FARS2: variants seen among roughly 807,000 people sequenced by gnomAD.
FARS2 encodes phenylalanine--tRNA ligase, mitochondrial.
Under a neutral mutation model 46.4 loss-of-function variants are expected in FARS2, and 40 were observed. That is an observed-to-expected ratio of 0.86 (90% confidence interval 0.67 to 1.12). FARS2 has a LOEUF of 1.12. Ranked by LOEUF, FARS2 falls within the 50% of genes most tolerant of loss-of-function variation. The pLI is 0.00. For synonymous variants in FARS2, 234 were observed against 214.9 expected, an observed-to-expected ratio of 1.09 and a Z score of -0.78; for missense variants, 513 against 567.9, an observed-to-expected ratio of 0.90 and a Z score of 0.98.
intron 6 of FARS2, among the ~76,000 whole-genome samples, chr6:5,704,520 G>A (rs1758624848): frequency 6.6e-6 from 1 of 152,162 alleles, no homozygotes; most frequent in Non-Finnish European, 1.5e-5. Flanking sequence ...AAGTAAAAGA[G>A]TATAATTCTC....
chr6:5,610,517 T>C (rs569809806), intron 5 of FARS2, among the ~76,000 whole-genome samples: 11 of 152,266 alleles, frequency 7.2e-5, no homozygotes, highest in African/African-American at 2.6e-4. Context: ...ACATTTACAT[T>C]GTATTAGGTA....
chr6:5,701,270 G>T (rs747861866), intron 6 of FARS2, among the ~76,000 whole-genome samples: 2 of 152,232 alleles, frequency 1.3e-5, no homozygotes, highest in Non-Finnish European at 2.9e-5. Context: ...CTCTGCAAAG[G>T]CTGTTGGTCA....
At chr6:5,669,004 G>A (rs1778305382) in intron 6 of FARS2, among the ~76,000 whole-genome samples, 1 of 152,090 alleles carries the variant, frequency 6.6e-6, no homozygotes, top group East Asian at 1.9e-4. Flanking sequence ...CCCACGTTGA[G>A]CAAGTTTCTT....
intron 1 of FARS2, among the ~76,000 whole-genome samples, chr6:5,359,437 A>G (rs945182349): frequency 6.6e-6 from 1 of 152,146 alleles, no homozygotes; most frequent in Non-Finnish European, 1.5e-5. Flanking sequence ...CATTAGACTT[A>G]TTTTTTTAAA....
At chr6:5,599,958 C>T (rs1774417304) in intron 5 of FARS2, among the ~76,000 whole-genome samples, 1 of 152,076 alleles carries the variant, frequency 6.6e-6, no homozygotes, top group South Asian at 2.1e-4. Flanking sequence ...CCCTAAGTCC[C>T]CATGAAGATT....
chr6:5,444,295 C>T (rs546194090), intron 4 of FARS2, among the ~76,000 whole-genome samples: 127 of 151,774 alleles, frequency 8.4e-4, no homozygotes, highest in Non-Finnish European at 1.4e-3. Flanking sequence ...GGTGAAGCCC[C>T]GTCTCTACTA....
intron 6 of FARS2, among the ~76,000 whole-genome samples, chr6:5,750,908 A>G (rs1277256816): frequency 6.6e-6 from 1 of 152,126 alleles, no homozygotes; most frequent in Non-Finnish European, 1.5e-5. Flanking sequence ...GTCTTTCGTC[A>G]CCATCATTTT....
At chr6:5,485,829 G>A (rs1459324313) in intron 4 of FARS2, among the ~76,000 whole-genome samples, 2 of 152,146 alleles carry the variant, frequency 1.3e-5, no homozygotes, top group Non-Finnish European at 2.9e-5. Context: ...ATTAGAATTC[G>A]GTACCACTGA....
chr6:5,349,605 G>A (rs192847691), intron 1 of FARS2, among the ~76,000 whole-genome samples: 37 of 152,156 alleles, frequency 2.4e-4, no homozygotes, highest in Admixed American at 1.8e-3. Context: ...AATTAGCCTG[G>A]TACATTTGAT....
intron 5 of FARS2, among the ~76,000 whole-genome samples, chr6:5,575,059 A>G (rs1772878848): frequency 6.6e-6 from 1 of 152,196 alleles, no homozygotes; most frequent in African/African-American, 2.4e-5. Context: ...CTCTTGACCA[A>G]TCGCACTATA....
chr6:5,668,896 A>G (rs1323805930), intron 6 of FARS2, among the ~76,000 whole-genome samples: 1 of 151,868 alleles, frequency 6.6e-6, no homozygotes, highest in Non-Finnish European at 1.5e-5. Flanking sequence ...GGGTTTCACC[A>G]TGTTGGCCAG....
At chr6:5,566,328 C>A (rs1166415537) in intron 5 of FARS2, among the ~76,000 whole-genome samples, 1 of 149,232 alleles carries the variant, frequency 6.7e-6, no homozygotes, top group African/African-American at 2.4e-5. Flanking sequence ...TATTTTCTAC[C>A]TAGTTATTAC....
intron 2 of FARS2, among the ~76,000 whole-genome samples, chr6:5,390,438 C>T (rs1360798496): frequency 6.6e-6 from 1 of 152,160 alleles, no homozygotes; most frequent in East Asian, 1.9e-4. Context: ...CCCCAGGTAA[C>T]CACAGGGACT....
chr6:5,562,486 G>T (rs989833137), intron 5 of FARS2, among the ~76,000 whole-genome samples: 7 of 152,026 alleles, frequency 4.6e-5, no homozygotes, highest in African/African-American at 1.7e-4. Context: ...TTGAAATGAG[G>T]CCCCAAGGAA....
upstream of FARS2, among the ~76,000 whole-genome samples, chr6:5,260,426 A>C (rs1581623710): frequency 2.0e-5 from 3 of 152,380 alleles, no homozygotes; most frequent in East Asian, 5.8e-4. Flanking sequence ...GTCACAAGAC[A>C]TGAACGTCTC....
At chr6:5,675,049 G>T (rs1456603758) in intron 6 of FARS2, among the ~76,000 whole-genome samples, 2 of 152,138 alleles carry the variant, frequency 1.3e-5, no homozygotes, top group African/African-American at 2.4e-5. Flanking sequence ...AATAAAAAAT[G>T]TTTTTTAATC....
At chr6:5,688,078 T>C (rs1436266708) in intron 6 of FARS2, among the ~76,000 whole-genome samples, 1 of 152,260 alleles carries the variant, frequency 6.6e-6, no homozygotes, top group Non-Finnish European at 1.5e-5. Flanking sequence ...TGAAGTTGCC[T>C]ATCAGCTTAA....
chr6:5,376,524 T>C (rs1759392810), intron 2 of FARS2, among the ~76,000 whole-genome samples: 1 of 152,190 alleles, frequency 6.6e-6, no homozygotes, highest in South Asian at 2.1e-4. Flanking sequence ...TTTTTTTCTT[T>C]AAGTGTTAAA....
At chr6:5,693,880 T>A (rs1342070157) in intron 6 of FARS2, among the ~76,000 whole-genome samples, 1 of 152,190 alleles carries the variant, frequency 6.6e-6, no homozygotes, top group African/African-American at 2.4e-5. Flanking sequence ...GTAGCAAGTG[T>A]GCAAGTCAGC....
Sources: allele counts gnomAD v4.1 joint callset (sites outside exome capture counted in the v4.1 genomes callset), GRCh38; gene constraint gnomAD v4.1.1; transcripts MANE v1.5; gene names NCBI Gene and HGNC (gene_info 2026-07-23, HGNC 2026-07-21).